The following TMEM178A variants were observed in gnomAD, a reference collection of about 807,000 sequenced individuals.
The protein encoded by TMEM178A is transmembrane protein 178.
A neutral mutation model predicts 29.1 loss-of-function variants in TMEM178A; 12 were observed. That is an observed-to-expected ratio of 0.41 (90% CI 0.26 to 0.67). The LOEUF is 0.67. Among genes scored for constraint, TMEM178A ranks in the 30% least tolerant of loss-of-function variants. TMEM178A has a pLI of 0.29. For synonymous variants in TMEM178A, 210 were observed against 187.2 expected (o/e 1.12, Z -0.99); for missense variants, 366 against 419.1 (o/e 0.87, Z 1.11).
At chr2:39,735,795 C>G in the TMEM178A span, among the ~76,000 whole-genome samples, 1 of 152,244 alleles carries the variant, frequency 6.6e-6, no homozygotes, top group African/African-American at 2.4e-5. Flanking sequence ...GTGCTGAAAC[C>G]TCAGGAGAGG....
intron 3 of TMEM178A, 64 bp from the exon 4 acceptor site, chr2:39,716,946 T>C: frequency 6.5e-7 from 1 of 1,547,322 alleles, no homozygotes; most frequent in Non-Finnish European, 8.8e-7. Context: ...AAGGCCTGTC[T>C]GGCATTTGTC....
intron 1 of TMEM178A, among the ~76,000 whole-genome samples, chr2:39,698,788 G>A (rs751257147): frequency 6.6e-6 from 1 of 151,626 alleles, no homozygotes. Context: ...ATCTGGTCAT[G>A]GAATTTTCTT....
chr2:39,666,048 C>A lies in TMEM178A; in HGVS notation c.74C>A (p.Ala25Asp). Residue 25 changes from alanine to aspartate, a missense_variant, in exon 1 of 4, where the codon GCC becomes GAC. This residue lies in a region of TMEM178A where 247 missense variants were observed against 246.8 expected (regional missense o/e 1.00). Transcript: ENST00000281961. ...SLCSLGLLVT[A>D]IFTDHWYETD... ...TGCTCCCTGGGGCTGCTCGTCACGG[C>A]CATCTTCACCGACCACTGGTACGAG... is the stretch of plus-strand genomic sequence containing the variant. The A allele has an allele frequency of 6.4e-7, 1 of 1,562,154 alleles. No homozygotes were observed. Among genetic ancestry groups the A allele is most frequent in the Non-Finnish European group, 8.6e-7 (1 of 1,157,814 alleles).
At chr2:39,682,255 A>T (rs1340783819) in intron 1 of TMEM178A, among the ~76,000 whole-genome samples, 1 of 152,166 alleles carries the variant, frequency 6.6e-6, no homozygotes, top group Non-Finnish European at 1.5e-5. Flanking sequence ...GAGAGCGCTA[A>T]TTTTAACTTT....
At chr2:39,705,033 G>A (rs1013057412) in intron 2 of TMEM178A, among the ~76,000 whole-genome samples, 8 of 152,166 alleles carry the variant, frequency 5.3e-5, no homozygotes, top group African/African-American at 1.9e-4. Context: ...CCAGAGCAGT[G>A]GTCTAATATA....
chr2:39,692,763 C>T (rs770515420), intron 1 of TMEM178A, among the ~76,000 whole-genome samples: 8 of 151,978 alleles, frequency 5.3e-5, no homozygotes, highest in South Asian at 2.1e-4. Context: ...ATTGTGTGAC[C>T]GCCTATTTCA....
intron 1 of TMEM178A, among the ~76,000 whole-genome samples, chr2:39,702,495 T>C (rs1671827527): frequency 6.6e-6 from 1 of 152,122 alleles, no homozygotes; most frequent in Non-Finnish European, 1.5e-5. Flanking sequence ...AGAATACAAA[T>C]GTAAGCTACT....
the TMEM178A span, among the ~76,000 whole-genome samples, chr2:39,723,169 T>G: frequency 1.3e-5 from 2 of 152,238 alleles, no homozygotes; most frequent in Admixed American, 1.3e-4. Context: ...GATGAACACA[T>G]AAATACTTGC....
chr2:39,726,686 T>G, the TMEM178A span, among the ~76,000 whole-genome samples: 2 of 152,180 alleles, frequency 1.3e-5, no homozygotes, highest in East Asian at 3.8e-4. Flanking sequence ...ATATGGTTAA[T>G]GTGCCCATTC....
At chr2:39,675,942 G>C (rs1001601248) in intron 1 of TMEM178A, among the ~76,000 whole-genome samples, 1 of 152,096 alleles carries the variant, frequency 6.6e-6, no homozygotes, top group African/African-American at 2.4e-5. Flanking sequence ...ACCATGCCTA[G>C]CTACTTTTCT....
intron 1 of TMEM178A, among the ~76,000 whole-genome samples, chr2:39,701,414 G>A (rs1357678151): frequency 1.3e-5 from 2 of 152,026 alleles, no homozygotes; most frequent in Admixed American, 1.3e-4. Context: ...AAATCAGCTG[G>A]TAATCTTTCA....
At chr2:39,683,075 C>G (rs576235626) in intron 1 of TMEM178A, among the ~76,000 whole-genome samples, 19 of 152,240 alleles carry the variant, frequency 1.2e-4, no homozygotes, top group Non-Finnish European at 2.8e-4. Context: ...ATCTTCAGGA[C>G]TACTTGCGGT....
At chr2:39,710,983 G>A (rs534176465) in intron 3 of TMEM178A, among the ~76,000 whole-genome samples, 3 of 152,380 alleles carry the variant, frequency 2.0e-5, no homozygotes, top group Admixed American at 6.5e-5. Context: ...CCTGCTGACT[G>A]TCGATGCACA....
At chr2:39,669,148 G>A (rs1413289993) in intron 1 of TMEM178A, among the ~76,000 whole-genome samples, 1 of 152,148 alleles carries the variant, frequency 6.6e-6, no homozygotes, top group Non-Finnish European at 1.5e-5. Flanking sequence ...GGAGAGTGGG[G>A]AGGGGTGGAA....
In TMEM178A at chr2:39,689,104, A is replaced by T. The variant is rs144738957; in HGVS notation, c.401-14977A>T. The stretch of plus-strand genomic sequence containing the variant: ...TCAGCTTGATCCAGAGTTCATTTTC[A>T]TAAAGGAAACAAACTTTTGAAAGTG... On this transcript the variant is annotated intron_variant, in intron 1 of 3. Transcript: ENST00000281961. Among the ~76,000 whole-genome samples, 21 of 152,338 alleles carry T rather than the reference A, an allele frequency of 1.4e-4. No individual in the cohort carries two copies. The East Asian group carries it at 2.9e-3, about 21-fold the overall frequency.
downstream of TMEM178A, among the ~76,000 whole-genome samples, chr2:39,719,702 A>AT (rs1430989421): frequency 3.9e-5 from 6 of 152,234 alleles, no homozygotes; most frequent in East Asian, 1.2e-3. Context: ...CCTTTGTTCT[A>AT]TGTTCTCTCT....
intron 1 of TMEM178A, among the ~76,000 whole-genome samples, chr2:39,684,978 G>A (rs1474344450): frequency 6.6e-6 from 1 of 152,126 alleles, no homozygotes. Flanking sequence ...TGGCAGTTTT[G>A]TATTGGCCTG....
In TMEM178A at chr2:39,683,164, G is replaced by A. The variant is rs188329135; in HGVS notation, c.400+16790G>A. Among the ~76,000 whole-genome samples, 307 of 152,210 alleles carry A rather than the reference G, an allele frequency of 2.0e-3. 1 individual carries two copies. Among genetic ancestry groups the A allele is most frequent in the Non-Finnish European group, 4.6e-4 (31 of 68,014 alleles). On this transcript the variant is annotated intron_variant, in intron 1 of 3. Transcript: ENST00000281961. ...GCCACTTTATTAGCTTGCAAAATAC[G>A]GTGTCGTCCATTTCAGCATAAATCT...
At chr2:39,694,060 C>T (rs1671438452) in intron 1 of TMEM178A, among the ~76,000 whole-genome samples, 1 of 150,750 alleles carries the variant, frequency 6.6e-6, no homozygotes, top group South Asian at 2.1e-4. Context: ...CTCTTTGGCC[C>T]CTAGAGATAA....
Sources: gnomAD v4.1 joint callset for allele counts (sites outside exome capture counted in the v4.1 genomes callset) on GRCh38, gnomAD v4.1.1 for gene constraint, gnomAD v4.1.1 regional missense constraint, MANE v1.5 for transcripts, NCBI Gene and HGNC (gene_info 2026-07-23, HGNC 2026-07-21) for gene names.